PTPRG: variants seen among roughly 807,000 people sequenced by gnomAD.
The protein encoded by PTPRG is protein tyrosine phosphatase receptor type G, also known as receptor-type tyrosine-protein phosphatase gamma.
Under a neutral mutation model 165.3 loss-of-function variants are expected in PTPRG, and 102 were observed. That is an observed-to-expected ratio of 0.62 (90% CI 0.53 to 0.73). The LOEUF is 0.73. Ranked by LOEUF, PTPRG falls within the 30% of genes least tolerant of loss-of-function variation. The probability of loss-of-function intolerance (pLI) is 0.00; values close to 1 mark genes in which losing one functional copy is unlikely to be tolerated. For missense variants in PTPRG, 1,866 were observed against 1,861.4 expected (o/e 1.00, Z -0.05); for synonymous variants, 675 against 669.5 (o/e 1.01, Z -0.13).
intron 1 of PTPRG, among the ~76,000 whole-genome samples, chr3:61,699,730 A>T (rs1016067470): frequency 6.6e-6 from 1 of 152,170 alleles, no homozygotes; most frequent in African/African-American, 2.4e-5. Context: ...GAGTTTTACT[A>T]CTGTGGAGAA....
At chr3:61,797,040 C>T (rs1393214617) in intron 2 of PTPRG, among the ~76,000 whole-genome samples, 1 of 152,290 alleles carries the variant, frequency 6.6e-6, no homozygotes, top group Non-Finnish European at 1.5e-5. Context: ...TGTAGGAAAA[C>T]GTAGAGCAGC....
chr3:61,714,957 C>A (rs559092345), intron 1 of PTPRG, among the ~76,000 whole-genome samples: 41 of 152,238 alleles, frequency 2.7e-4, no homozygotes, highest in Non-Finnish European at 5.7e-4. Flanking sequence ...TTTTTGTTCA[C>A]AAACAGCAAT....
rs529274720 is a variant in PTPRG, at chr3:61,750,217, C to T, written c.190+1235C>T. 18 of 152,300 alleles carry T rather than the reference C, an allele frequency of 1.2e-4. No homozygotes were observed. In the East Asian group the frequency reaches 3.5e-3, roughly 29 times the overall value. The allele number at this position is 152,300 out of a possible 1,614,324, so 9.4% of individuals were successfully genotyped here. ...AGCCAAAATTACATATATATAGCAT[C>T]TTGCCAAGAAACCCAAAGAAAATTT... is the stretch of plus-strand genomic sequence containing the variant. On this transcript the variant is annotated intron_variant, in intron 2 of 29. Coordinates refer to ENST00000474889, the MANE Select transcript of PTPRG (RefSeq NM_002841.4).
intron 2 of PTPRG, among the ~76,000 whole-genome samples, chr3:61,886,164 G>A (rs1029774704): frequency 6.6e-6 from 1 of 152,026 alleles, no homozygotes; most frequent in Non-Finnish European, 1.5e-5. Flanking sequence ...ATTCCTGCTC[G>A]ATCCTTCCTT....
intron 15 of PTPRG, among the ~76,000 whole-genome samples, chr3:62,244,372 G>C (rs1701241882): frequency 1.3e-5 from 2 of 152,104 alleles, no homozygotes; most frequent in Non-Finnish European, 2.9e-5. Flanking sequence ...GTTGGGGTAG[G>C]GAATAATGGA....
chr3:61,627,709 G>A (rs1701651007), intron 1 of PTPRG, among the ~76,000 whole-genome samples: 1 of 152,124 alleles, frequency 6.6e-6, no homozygotes, highest in South Asian at 2.1e-4. Context: ...GAATGCTTTT[G>A]TAGGAATTAG....
At chr3:62,177,979 T>C (rs1007988264) in intron 8 of PTPRG, among the ~76,000 whole-genome samples, 1 of 132,220 alleles carries the variant, frequency 7.6e-6, no homozygotes, top group Admixed American at 9.9e-5. Flanking sequence ...CTGTTTTTAT[T>C]GGAGAGAGGG....
At chr3:61,604,740 T>G (rs1343783694) in intron 1 of PTPRG, among the ~76,000 whole-genome samples, 1 of 149,686 alleles carries the variant, frequency 6.7e-6, no homozygotes, top group East Asian at 2.0e-4. Context: ...TTGCCATGAG[T>G]TTTTTTTTCC....
intron 2 of PTPRG, among the ~76,000 whole-genome samples, chr3:61,869,745 AT>A (rs1022940440): frequency 2.8e-5 from 4 of 142,524 alleles, no homozygotes; most frequent in East Asian, 4.1e-4. Context: ...TGCCTGGCTA[AT>A]TTTTTGTTTT....
At chr3:62,123,602 G>A (rs73096515) in intron 5 of PTPRG, among the ~76,000 whole-genome samples, 39,478 of 151,940 alleles carry the variant, frequency 0.26, 5,318 homozygotes, top group Middle Eastern at 0.3. Context: ...AAAGGGTTAC[G>A]TTTACAACTA....
intron 2 of PTPRG, among the ~76,000 whole-genome samples, chr3:61,935,724 A>G (rs1346176495): frequency 6.9e-6 from 1 of 144,558 alleles, no homozygotes; most frequent in Admixed American, 6.9e-5. Flanking sequence ...ATTTCTGTAT[A>G]TTTGCAAGAT....
At chr3:61,813,549 G>GTC (rs1325401920) in intron 2 of PTPRG, among the ~76,000 whole-genome samples, 6 of 100,450 alleles carry the variant, frequency 6.0e-5, no homozygotes, top group Admixed American at 5.3e-4. Flanking sequence ...AAATCTGTGT[G>GTC]TGTGTGTGTG....
In PTPRG at chr3:62,168,172, G is replaced by C; in HGVS notation, c.1033+9G>C. 1 of 1,599,958 alleles carries C rather than the reference G, an allele frequency of 6.3e-7. No individual in the cohort carries two copies. The highest frequency in any genetic ancestry group is 1.3e-5 in the African/African-American group (1 of 74,218). On this transcript the variant is annotated intron_variant, in intron 8 of 29. Transcript: ENST00000474889. Reference sequence around the variant, plus strand: ...GACAGAAGCCTCTAAAGGTATATTTGGCTTAAGTGCCTTGCCCAGAGGAAG... The same window carrying C: ...GACAGAAGCCTCTAAAGGTATATTTCGCTTAAGTGCCTTGCCCAGAGGAAG...
chr3:61,817,014 T>C (rs1057285160), intron 2 of PTPRG, among the ~76,000 whole-genome samples: 12 of 108,924 alleles, frequency 1.1e-4, no homozygotes, highest in Non-Finnish European at 2.0e-4. Context: ...TATAAATATA[T>C]ATACTATATA....
chr3:62,047,631 A>C lies in PTPRG; in HGVS notation c.520-30532A>C, dbSNP rs1006727946. On this transcript the variant is annotated intron_variant, in intron 4 of 29. Coordinates refer to ENST00000474889, the MANE Select transcript of PTPRG (RefSeq NM_002841.4). ...CTGTTACAGACTTGCATGAAGTTCA[A>C]GTTTTATGTAAGTTCTCTAACCCAT... Among the ~76,000 whole-genome samples the C allele has an allele frequency of 3.9e-5, 6 of 152,156 alleles. 1 individual carries two copies. Among genetic ancestry groups the C allele is most frequent in the Non-Finnish European group, 1.5e-5 (1 of 68,020 alleles).
chr3:61,835,888 A>G (rs2036442622), intron 2 of PTPRG, among the ~76,000 whole-genome samples: 1 of 151,606 alleles, frequency 6.6e-6, no homozygotes, highest in Non-Finnish European at 1.5e-5. Context: ...TAAAAATGCA[A>G]AATTAGCCAG....
At chr3:61,864,826 T>G (rs2037362233) in intron 2 of PTPRG, among the ~76,000 whole-genome samples, 1 of 152,160 alleles carries the variant, frequency 6.6e-6, no homozygotes, top group Admixed American at 6.5e-5. Flanking sequence ...CCTCGTAATG[T>G]GTGGTATCTG....
intron 4 of PTPRG, among the ~76,000 whole-genome samples, chr3:62,054,173 A>G (rs1032484862): frequency 6.6e-6 from 1 of 152,170 alleles, no homozygotes; most frequent in Non-Finnish European, 1.5e-5. Flanking sequence ...CCCAATTGTT[A>G]GACTCAGAGT....
At chr3:61,946,008 T>G (rs369399162) in intron 2 of PTPRG, among the ~76,000 whole-genome samples, 2 of 148,414 alleles carry the variant, frequency 1.3e-5, no homozygotes, top group Admixed American at 1.3e-4. Flanking sequence ...TTCATTCATT[T>G]TTTTTCTTTA....
Sources: allele counts gnomAD v4.1 joint callset (sites outside exome capture counted in the v4.1 genomes callset), GRCh38; gene constraint gnomAD v4.1.1; transcripts MANE v1.5; gene names NCBI Gene and HGNC (gene_info 2026-07-23, HGNC 2026-07-21).